PYROXD2: variants seen among roughly 807,000 people sequenced by gnomAD.
The protein encoded by PYROXD2 is pyridine nucleotide-disulfide oxidoreductase domain-containing protein 2.
A neutral mutation model predicts 71.1 loss-of-function variants in PYROXD2; 69 were observed. That is an observed-to-expected ratio of 0.97 (90% CI 0.80 to 1.19). The LOEUF (loss-of-function observed/expected upper bound fraction) is 1.19. Ranked by LOEUF, PYROXD2 falls within the 50% of genes most tolerant of loss-of-function variation. The pLI is 0.00. For missense variants in PYROXD2, 745 were observed against 748.9 expected, an observed-to-expected ratio of 0.99 and a Z score of 0.06; for synonymous variants, 287 against 302.7, an observed-to-expected ratio of 0.95 and a Z score of 0.54.
intron 4 of PYROXD2, among the ~76,000 whole-genome samples, chr10:98,401,694 C>T (rs943443252): frequency 1.3e-5 from 2 of 150,542 alleles, no homozygotes; most frequent in Non-Finnish European, 3.0e-5. Context: ...AACCTTTTTT[C>T]GCTAAAAAGT....
intron 5 of PYROXD2, among the ~76,000 whole-genome samples, chr10:98,399,436 C>A (rs1171667474): frequency 6.6e-6 from 1 of 152,176 alleles, no homozygotes; most frequent in Admixed American, 6.5e-5. Flanking sequence ...TCCACAGAAC[C>A]AACTGTGGCA....
chr10:98,400,523 C>T (rs1325486810), intron 4 of PYROXD2, among the ~76,000 whole-genome samples: 1 of 152,116 alleles, frequency 6.6e-6, no homozygotes, highest in Non-Finnish European at 1.5e-5. Flanking sequence ...CCATACACCA[C>T]GCCATGCCAT....
chr10:98,389,374 C>T (rs1356878365), intron 12 of PYROXD2, among the ~76,000 whole-genome samples: 2 of 152,186 alleles, frequency 1.3e-5, no homozygotes, highest in Non-Finnish European at 2.9e-5. Flanking sequence ...TGTCCTCTCT[C>T]CCTTGGATTC....
intron 10 of PYROXD2, 42 bp downstream of exon 10, chr10:98,392,390 T>C (rs762605132): frequency 1.9e-6 from 3 of 1,600,732 alleles, no homozygotes; most frequent in Non-Finnish European, 2.6e-6. Context: ...AACCCCTGTT[T>C]TGGCAGACAT....
chr10:98,396,553 T>C (rs1843190296), intron 6 of PYROXD2, among the ~76,000 whole-genome samples: 1 of 152,314 alleles, frequency 6.6e-6, no homozygotes, highest in Middle Eastern at 3.4e-3. Flanking sequence ...TAATGAGCCT[T>C]CCATTCGCAT....
At chr10:98,400,765 G>C (rs532436137) in intron 4 of PYROXD2, among the ~76,000 whole-genome samples, 192 of 152,308 alleles carry the variant, frequency 1.3e-3, no homozygotes, top group African/African-American at 4.4e-3. Flanking sequence ...ACTTAACGAT[G>C]GGGATATGTT....
At chr10:98,413,628 C>T (rs886540296) in intron 1 of PYROXD2, among the ~76,000 whole-genome samples, 30 of 152,078 alleles carry the variant, frequency 2.0e-4, no homozygotes, top group Non-Finnish European at 3.4e-4. Flanking sequence ...GCAAGAGAAT[C>T]GCTTGAACCC....
intron 1 of PYROXD2, among the ~76,000 whole-genome samples, chr10:98,412,501 G>A (rs1254133893): frequency 2.0e-5 from 3 of 152,174 alleles, no homozygotes; most frequent in Admixed American, 6.5e-5. Context: ...GACACCTCCC[G>A]CCCTCAGAAT....
At chr10:98,391,371 C>T (rs1842940167) in intron 10 of PYROXD2, among the ~76,000 whole-genome samples, 1 of 152,164 alleles carries the variant, frequency 6.6e-6, no homozygotes, top group African/African-American at 2.4e-5. Flanking sequence ...CACTACTGGT[C>T]TGTAAGCTCT....
chr10:98,410,436 A>C (rs1843746237), intron 2 of PYROXD2, among the ~76,000 whole-genome samples: 1 of 152,178 alleles, frequency 6.6e-6, no homozygotes, highest in Non-Finnish European at 1.5e-5. Flanking sequence ...CCCTTCTGCT[A>C]GACTGAGCTC....
At position 98,390,636 on chromosome 10, in the gene PYROXD2, C is replaced by T. The variant is rs1842915419; in HGVS notation, c.1254G>A (p.Gln418=). 6.2e-7 allele frequency: 1 copy of T among 1,610,286 alleles called. No individual in the cohort carries two copies. Residue 418 remains glutamine (Q), a synonymous_variant, in exon 12 of 16, where the codon CAG becomes CAA. Transcript: ENST00000370575. ...GGCCATCCATGGCATCTTCAAAGGC[C>T]TGATGAAGGAGGAGGGTGTCTTCAC... ...LNCEDTLLLH[Q]AFEDAMDGLP...
At chr10:98,413,337 A>C (rs146528541) in intron 1 of PYROXD2, among the ~76,000 whole-genome samples, 5 of 152,276 alleles carry the variant, frequency 3.3e-5, no homozygotes, top group African/African-American at 1.2e-4. Flanking sequence ...TAGCTGTTAT[A>C]GCATGAATAA....
At chr10:98,384,025 A>G (rs1450804436) in intron 15 of PYROXD2, among the ~76,000 whole-genome samples, 157 bp from the exon 16 acceptor site, 1 of 152,206 alleles carries the variant, frequency 6.6e-6, no homozygotes, top group African/African-American at 2.4e-5. Flanking sequence ...CAGCCGCTCA[A>G]TAGATTCTGG....
At chr10:98,405,476 G>C (rs1422833899) in intron 4 of PYROXD2, among the ~76,000 whole-genome samples, 1 of 152,198 alleles carries the variant, frequency 6.6e-6, no homozygotes, top group Non-Finnish European at 1.5e-5. Context: ...TGCCAAATGG[G>C]GGTAATAATA....
Position 98,397,404 on chromosome 10 carries a change from T to C in PYROXD2, c.566A>G (p.His189Arg), listed in dbSNP as rs1843226565. The C allele has an allele frequency of 6.2e-7, 1 of 1,613,284 alleles. No individual in the cohort carries two copies. Among genetic ancestry groups the C allele is most frequent in the African/African-American group, 1.3e-5 (1 of 74,936 alleles). The stretch of plus-strand genomic sequence containing the variant: ...CCTCATCCTTTGCAGCAAGGAGCCA[T>C]GCTGGAAGGCCGCCATGTCCACGGG... ...AAPVDMAAFQ[H>R]GSLLQRMRSL... Residue 189 changes from histidine (H) to arginine (R), a missense_variant, in exon 6 of 16, where the codon CAT (histidine) becomes CGT (arginine). His to Arg is a conservative substitution (Grantham distance 29). Transcript: ENST00000370575.
In PYROXD2 at chr10:98,392,576, A is replaced by C. The variant is rs770966364; in HGVS notation, c.928-10T>G. 6.8e-6 allele frequency: 11 copies of C among 1,609,106 alleles called. No homozygotes were observed. The highest frequency in any genetic ancestry group is 9.3e-6 in the Non-Finnish European group (11 of 1,179,830). ...GCACCTTCGCCACTGTCTAGAGCCC[A>C]CCAGAACAAGGCCCCAGAAACCGCA... On this transcript the variant is annotated splice_polypyrimidine_tract_variant and intron_variant, in intron 9 of 15. Coordinates refer to ENST00000370575, the MANE Select transcript of PYROXD2 (RefSeq NM_032709.3).
intron 12 of PYROXD2, among the ~76,000 whole-genome samples, chr10:98,389,120 C>T (rs1349349154): frequency 1.3e-5 from 2 of 152,162 alleles, no homozygotes; most frequent in Non-Finnish European, 2.9e-5. Flanking sequence ...CTCGGATGTC[C>T]ACCAGGGATC....
At position 98,391,108 on chromosome 10, in the gene PYROXD2, G is replaced by T. The variant is rs558732269; in HGVS notation, c.1063-26C>A. The T allele has an allele frequency of 3.8e-5, 55 of 1,464,358 alleles. 2 individuals carry two copies. The South Asian group carries it at 5.6e-4, about 15-fold the overall frequency. The allele number at this position is 1,464,358 out of a possible 1,614,324, so 90.7% of individuals were successfully genotyped here. A position where few individuals can be genotyped will look rare whatever the true frequency, so the allele number is the denominator to read the frequency against. On this transcript the variant is annotated intron_variant, in intron 10 of 15. Transcript: ENST00000370575. Reference sequence around the variant, plus strand: ...CTGGAAGGAGAAGGCTCCATGAAAGGCCTCAGATGTCCAAGGCCCCAAGGA... The same window carrying T: ...CTGGAAGGAGAAGGCTCCATGAAAGTCCTCAGATGTCCAAGGCCCCAAGGA...
intron 4 of PYROXD2, among the ~76,000 whole-genome samples, chr10:98,401,044 G>A (rs1273047377): frequency 6.6e-6 from 1 of 152,090 alleles, no homozygotes; most frequent in Non-Finnish European, 1.5e-5. Context: ...AGCGAGGTCA[G>A]GAGTTCGAGA....
Sources: allele counts gnomAD v4.1 joint callset (sites outside exome capture counted in the v4.1 genomes callset), GRCh38; gene constraint gnomAD v4.1.1; transcripts MANE v1.5; gene names NCBI Gene and HGNC (gene_info 2026-07-23, HGNC 2026-07-21).